The following DNAH7 variants were observed in gnomAD, a reference collection of about 807,000 sequenced individuals.
DNAH7 encodes axonemal beta dynein heavy chain 7.
Under a neutral mutation model 444.6 loss-of-function variants are expected in DNAH7, and 397 were observed. The ratio of observed to expected loss-of-function variants is 0.89; its 90% CI spans 0.82 to 0.97. The LOEUF (loss-of-function observed/expected upper bound fraction) is 0.97. Ranked by LOEUF, DNAH7 falls within the 50% of genes least tolerant of loss-of-function variation. DNAH7 has a pLI of 0.00. For missense variants in DNAH7, 4,902 were observed against 4,800.8 expected, an observed-to-expected ratio of 1.02 and a Z score of -0.62; for synonymous variants, 1,636 against 1,624.4, an observed-to-expected ratio of 1.01 and a Z score of -0.17.
chr2:195,954,075 A>G (rs12616966), intron 19 of DNAH7, among the ~76,000 whole-genome samples: 45,743 of 151,996 alleles, frequency 0.3, 9,725 homozygotes, highest in African/African-American at 0.6. Flanking sequence ...TGTGCACAAC[A>G]TGCAGGTTTG....
At chr2:195,999,202 A>G in intron 12 of DNAH7, 1 of 717,474 alleles carries the variant, frequency 1.4e-6, no homozygotes, top group Non-Finnish European at 2.6e-6. Context: ...AGACCTTTGA[A>G]TATGAGAAAA....
intron 24 of DNAH7, among the ~76,000 whole-genome samples, chr2:195,918,078 A>G (rs1405529863): frequency 6.6e-6 from 1 of 152,270 alleles, no homozygotes; most frequent in Non-Finnish European, 1.5e-5. Flanking sequence ...AAGAACACTT[A>G]AAACTTAACA....
chr2:195,742,154 G>A (rs1213422907), intron 63 of DNAH7, among the ~76,000 whole-genome samples: 6 of 152,160 alleles, frequency 3.9e-5, no homozygotes, highest in African/African-American at 1.2e-4. Flanking sequence ...GTGGAGGGGT[G>A]GACTTGCGTG....
chr2:195,792,394 TACACACACACACACACACAC>T (rs59046004), intron 57 of DNAH7, among the ~76,000 whole-genome samples: 1,357 of 117,332 alleles, frequency 0.012, 9 homozygotes, highest in Middle Eastern at 0.029. Context: ...AACCAAAAAA[TACACACACACACACACACAC>T]ACACACACAC....
chr2:195,934,486 T>C, intron 21 of DNAH7, 105 bp downstream of exon 21: 3 of 1,196,660 alleles, frequency 2.5e-6, no homozygotes, highest in Non-Finnish European at 2.4e-6. Flanking sequence ...GGTAATTCCA[T>C]GCCTCCATTT....
At chr2:195,985,415 A>T (rs1692840528) in intron 14 of DNAH7, among the ~76,000 whole-genome samples, 2 of 152,242 alleles carry the variant, frequency 1.3e-5, no homozygotes, top group South Asian at 2.1e-4. Context: ...CAAAATAAGG[A>T]ATATAGAAGG....
intron 19 of DNAH7, among the ~76,000 whole-genome samples, chr2:195,954,595 A>G (rs566299563): frequency 6.6e-6 from 1 of 152,348 alleles, no homozygotes; most frequent in African/African-American, 2.4e-5. Flanking sequence ...TCCTTGAGGA[A>G]TCACCACACT....
At chr2:195,887,095 C>T (rs1476064966) in intron 33 of DNAH7, among the ~76,000 whole-genome samples, 3 of 152,094 alleles carry the variant, frequency 2.0e-5, no homozygotes, top group African/African-American at 7.2e-5. Context: ...CTTATTACTA[C>T]ATAGTAAATA....
chr2:195,884,809 C>G lies in DNAH7; in HGVS notation c.5539G>C (p.Gly1847Arg), dbSNP rs780786967. ...CAGATCAATGAAAACAGAAAAATGC[C>G]CTGCATTGGACAGATGAGAAGATTA... Reference protein sequence around the residue: ...NDRETYSLLEGIFLFSLIWSV... With the variant: ...NDRETYSLLERIFLFSLIWSV... Residue 1847 changes from glycine to arginine, a missense_variant and splice_region_variant, in exon 35 of 65, where the codon GGC becomes CGC. Gly to Arg is a moderately radical substitution (Grantham distance 125). Transcript: ENST00000312428. The G allele has an allele frequency of 6.2e-7, 1 of 1,609,880 alleles. No homozygotes were observed.
At chr2:195,959,064 T>C (rs1690897038) in intron 18 of DNAH7, among the ~76,000 whole-genome samples, 1 of 147,356 alleles carries the variant, frequency 6.8e-6, no homozygotes, top group Admixed American at 6.7e-5. Context: ...CCATCTCAAA[T>C]TAATTAATTA....
intron 30 of DNAH7, chr2:195,894,315 CA>C (rs1417194969): frequency 6.6e-6 from 1 of 151,954 alleles, no homozygotes; most frequent in East Asian, 1.9e-4. Context: ...TAGATCACAA[CA>C]AATAACAGAA....
chr2:196,039,212 T>C (rs1696575510), intron 5 of DNAH7, among the ~76,000 whole-genome samples: 1 of 151,970 alleles, frequency 6.6e-6, no homozygotes. Flanking sequence ...AAGAGCAACT[T>C]TGAAAACAGT....
intron 49 of DNAH7, among the ~76,000 whole-genome samples, chr2:195,821,526 G>A (rs1697470505): frequency 6.6e-6 from 1 of 152,202 alleles, no homozygotes. Flanking sequence ...GTGGCAGGGA[G>A]ACAAGTCGGT....
chr2:195,936,893 G>T, intron 19 of DNAH7, 101 bp from the exon 20 acceptor site: 1 of 1,012,650 alleles, frequency 9.9e-7, no homozygotes, highest in African/African-American at 1.7e-5. Context: ...ATCAAACAAA[G>T]GTTATGTAAA....
intron 28 of DNAH7, among the ~76,000 whole-genome samples, chr2:195,899,968 T>G (rs1686597080): frequency 1.3e-5 from 2 of 152,200 alleles, no homozygotes; most frequent in Admixed American, 1.3e-4. Context: ...CTTATTTCAT[T>G]TAATGCTATA....
intron 17 of DNAH7, among the ~76,000 whole-genome samples, chr2:195,963,440 C>T (rs1048032641): frequency 8.5e-5 from 13 of 152,228 alleles, no homozygotes; most frequent in African/African-American, 3.1e-4. Context: ...CATCTTTTGC[C>T]CATTTTAAAT....
intron 19 of DNAH7, among the ~76,000 whole-genome samples, chr2:195,938,230 A>G (rs1039013333): frequency 3.3e-5 from 5 of 152,074 alleles, no homozygotes; most frequent in Non-Finnish European, 5.9e-5. Context: ...TGTTTCCTCA[A>G]TAAAACATGA....
In DNAH7 at chr2:195,895,063, AT is replaced by A. The variant is rs1486775050; in HGVS notation, c.4808del (p.His1603LeufsTer4). ...ATGGTTCTCCAACAATCATAAAACC[AT>A]GACGCACAATCATCATTTCATATAC... ...LQVYEMMIVR[H>X]GFMIVGEPFG... On this transcript the variant is annotated frameshift_variant, in exon 30 of 65. Coordinates refer to ENST00000312428, the MANE Select transcript of DNAH7 (RefSeq NM_018897.3). LOFTEE classifies it high-confidence loss of function. The A allele has an allele frequency of 1.9e-6, 3 of 1,613,498 alleles. No homozygotes were observed. The African/African-American group carries it at 4.0e-5, about 22-fold the overall frequency.
chr2:195,810,407 ATTATTTAT>A (rs765064197), intron 51 of DNAH7, among the ~76,000 whole-genome samples: 2 of 151,898 alleles, frequency 1.3e-5, no homozygotes, highest in African/African-American at 4.8e-5. Flanking sequence ...TTTCCTTTTT[ATTATTTAT>A]TTATTTATTT....
Sources: gnomAD v4.1 joint callset for allele counts (sites outside exome capture counted in the v4.1 genomes callset) on GRCh38, gnomAD v4.1.1 for gene constraint, MANE v1.5 for transcripts, NCBI Gene and HGNC (gene_info 2026-07-23, HGNC 2026-07-21) for gene names.